Variants in ARHGEF3 observed in about 807,000 individuals in gnomAD.
ARHGEF3 encodes the protein 59.8 kDA protein.
ARHGEF3 carries 28 observed loss-of-function variants against 63.2 expected under a neutral mutation model. The observed-to-expected ratio is 0.44, with a 90% CI of 0.33 to 0.61. The LOEUF is 0.61. ARHGEF3 is among the 20% of genes least tolerant of loss of function. The pLI is 0.03. For missense variants in ARHGEF3, 533 were observed against 659.3 expected (o/e 0.81, Z 2.10); for synonymous variants, 266 against 254.2 (o/e 1.05, Z -0.44).
intron 2 of ARHGEF3, among the ~76,000 whole-genome samples, chr3:56,767,232 A>G (rs570994637): frequency 7.9e-5 from 12 of 152,284 alleles, no homozygotes; most frequent in African/African-American, 2.9e-4. Flanking sequence ...TTATACCGTT[A>G]AGACCAAAGG....
chr3:57,050,561 A>G (rs921044942), intron 1 of ARHGEF3, among the ~76,000 whole-genome samples: 1 of 152,200 alleles, frequency 6.6e-6, no homozygotes, highest in Non-Finnish European at 1.5e-5. Context: ...GGGACACTAC[A>G]GGTGGTCTGA....
upstream of ARHGEF3, among the ~76,000 whole-genome samples, chr3:56,805,741 T>C (rs1363251508): frequency 1.3e-5 from 2 of 152,180 alleles, no homozygotes; most frequent in African/African-American, 4.8e-5. Flanking sequence ...TTTTCCACTA[T>C]ACATGCTAGG....
chr3:57,032,839 C>A (rs1177821945), intron 2 of ARHGEF3, among the ~76,000 whole-genome samples: 1 of 152,088 alleles, frequency 6.6e-6, no homozygotes, highest in Non-Finnish European at 1.5e-5. Flanking sequence ...TAAGTATACT[C>A]CTTGGATGCT....
At chr3:56,891,651 C>T (rs2041126329) in intron 3 of ARHGEF3, among the ~76,000 whole-genome samples, 1 of 152,098 alleles carries the variant, frequency 6.6e-6, no homozygotes, top group Admixed American at 6.5e-5. Context: ...CTCTCTGCAC[C>T]TTAGTTTCCT....
intron 2 of ARHGEF3, among the ~76,000 whole-genome samples, chr3:56,756,173 A>G (rs1018427727): frequency 6.6e-6 from 1 of 152,250 alleles, no homozygotes; most frequent in African/African-American, 2.4e-5. Flanking sequence ...AATGATCCAG[A>G]AGAAAGCTGA....
At chr3:57,042,696 A>ATTTTTTTTTTTTT (rs1560156436) in intron 1 of ARHGEF3, among the ~76,000 whole-genome samples, 7 of 33,540 alleles carry the variant, frequency 2.1e-4, no homozygotes, top group Admixed American at 5.3e-4. Context: ...ATATATATAT[A>ATTTTTTTTTTTTT]TATATTTTTT....
intron 1 of ARHGEF3, among the ~76,000 whole-genome samples, chr3:56,800,644 A>G (rs929227582): frequency 3.3e-5 from 5 of 152,358 alleles, no homozygotes; most frequent in South Asian, 4.1e-4. Flanking sequence ...GACCCAAGGA[A>G]GGCGAGTGGG....
chr3:57,044,543 C>T (rs1201983377), intron 1 of ARHGEF3, among the ~76,000 whole-genome samples: 3 of 152,320 alleles, frequency 2.0e-5, no homozygotes, highest in Middle Eastern at 6.8e-3. Context: ...TTTTGAACTC[C>T]ACTCCCACCA....
intron 2 of ARHGEF3, among the ~76,000 whole-genome samples, chr3:56,963,038 T>C (rs1353669768): frequency 6.6e-6 from 1 of 151,898 alleles, no homozygotes; most frequent in Non-Finnish European, 1.5e-5. Context: ...GCTCAGAACA[T>C]GGTGTTTAGG....
At position 56,994,064 on chromosome 3, in the gene ARHGEF3, C is replaced by CAAAAAAAAAAAAAAAAA. The variant is rs60299557; in HGVS notation, c.63-35192_63-35176dup. ...GGGCGACAAGAGTGAAACTTCGTCTCAAAAAAAAAAAAAAAAAAAAAGCAC... is the reference window on the plus strand; with the variant it reads ...GGGCGACAAGAGTGAAACTTCGTCTCAAAAAAAAAAAAAAAAAAAAAAAAAAAAAAAAAAAAAAGCAC... On this transcript the variant is annotated intron_variant, in intron 2 of 12. Transcript: ENST00000338458. Among the ~76,000 whole-genome samples the CAAAAAAAAAAAAAAAAA allele has an allele frequency of 6.0e-3, 359 of 59,664 alleles. 52 individuals carry two copies. The highest frequency in any genetic ancestry group is 0.012 in the Middle Eastern group (1 of 82). The allele number at this position is 59,664 out of a possible 152,430, so 39.1% of individuals were successfully genotyped here. A position where few individuals can be genotyped will look rare whatever the true frequency, so the allele number is the denominator to read the frequency against.
intron 3 of ARHGEF3, among the ~76,000 whole-genome samples, chr3:56,915,386 A>G (rs1366652683): frequency 1.3e-5 from 2 of 152,106 alleles, no homozygotes; most frequent in African/African-American, 4.8e-5. Context: ...GGACTGCTTG[A>G]GCCCGGGCGG....
chr3:56,906,651 C>T (rs1352107715), intron 3 of ARHGEF3, among the ~76,000 whole-genome samples: 1 of 152,064 alleles, frequency 6.6e-6, no homozygotes, highest in Non-Finnish European at 1.5e-5. Flanking sequence ...GCCTGGCAAA[C>T]ATGGTGAAAC....
rs1410825594 is a variant in ARHGEF3 at position 57,001,915 on chromosome 3, G to GTTTTTTTTTTTTTTTTTTTT, written c.62+33172_62+33173insAAAAAAAAAAAAAAAAAAAA. On this transcript the variant is annotated intron_variant, in intron 2 of 12. Coordinates refer to the ARHGEF3 transcript ENST00000338458. ...AAATCCTAAAACCCAAAGTGAGATA[G>GTTTTTTTTTTTTTTTTTTTT]TTTTTTTTTTTTTTGTTTTTTGTTT... Among the ~76,000 whole-genome samples, 7 of 53,718 alleles carry GTTTTTTTTTTTTTTTTTTTT rather than the reference G, an allele frequency of 1.3e-4. 3 individuals carry two copies. The highest frequency in any genetic ancestry group is 1.7e-4 in the Non-Finnish European group (5 of 29,174). The allele number at this position is 53,718 out of a possible 152,430, so 35.2% of individuals were successfully genotyped here.
intron 2 of ARHGEF3, 67 bp downstream of exon 2, chr3:56,773,642 G>C: frequency 7.4e-7 from 1 of 1,344,090 alleles, no homozygotes; most frequent in Non-Finnish European, 1.0e-6. Context: ...ATTCTAGGTA[G>C]GATGGGGATG....
At chr3:57,001,559 G>A (rs1194338923) in intron 2 of ARHGEF3, among the ~76,000 whole-genome samples, 1 of 152,180 alleles carries the variant, frequency 6.6e-6, no homozygotes, top group East Asian at 1.9e-4. Context: ...TAGCTACAGA[G>A]CTTCAGTTCT....
chr3:57,077,323 CA>C (rs1307617443), intron 1 of ARHGEF3, among the ~76,000 whole-genome samples: 1 of 151,954 alleles, frequency 6.6e-6, no homozygotes, highest in African/African-American at 2.4e-5. Context: ...TGTAACGGGG[CA>C]AGAACCTCCA....
chr3:56,943,372 G>T (rs1456005883), intron 3 of ARHGEF3, among the ~76,000 whole-genome samples: 1 of 152,178 alleles, frequency 6.6e-6, no homozygotes, highest in Non-Finnish European at 1.5e-5. Context: ...AACAAAGCCT[G>T]GATGGCAGCA....
chr3:56,929,275 G>A (rs1473529690), intron 3 of ARHGEF3, among the ~76,000 whole-genome samples: 3 of 152,154 alleles, frequency 2.0e-5, no homozygotes, highest in Non-Finnish European at 4.4e-5. Flanking sequence ...CTAGAGTCAT[G>A]GCTCCTGGTT....
At chr3:56,904,415 T>C (rs1174236660) in intron 3 of ARHGEF3, among the ~76,000 whole-genome samples, 6 of 152,226 alleles carry the variant, frequency 3.9e-5, no homozygotes. Context: ...TCTTCCCACG[T>C]TGGCCTCCCA....
Sources: allele counts gnomAD v4.1 joint callset (sites outside exome capture counted in the v4.1 genomes callset), GRCh38; gene constraint gnomAD v4.1.1; transcripts MANE v1.5; gene names NCBI Gene and HGNC (gene_info 2026-07-23, HGNC 2026-07-21).